Variants in DNM1L observed in about 807,000 individuals in gnomAD.
The protein encoded by DNM1L is dynamin-1-like protein.
In DNM1L, 33 loss-of-function variants were observed where a neutral mutation model predicts 92.8. That is an observed-to-expected ratio of 0.36 (90% CI 0.27 to 0.48). The LOEUF is 0.48. Ranked by LOEUF, DNM1L falls within the 20% of genes least tolerant of loss-of-function variation. The pLI, the probability that DNM1L is intolerant of heterozygous loss-of-function variation, is 0.99. For synonymous variants in DNM1L, 284 were observed against 305.0 expected (o/e 0.93, Z 0.72); for missense variants, 485 against 888.8 (o/e 0.55, Z 5.78).
At chr12:32,727,440 G>T in intron 9 of DNM1L, 1 of 701,024 alleles carries the variant, frequency 1.4e-6, no homozygotes, top group South Asian at 1.5e-5. Flanking sequence ...TGCAGGCAGT[G>T]ACTCAGGGCA....
intron 1 of DNM1L, among the ~76,000 whole-genome samples, chr12:32,685,323 GA>G (rs1592560453): frequency 6.7e-6 from 1 of 148,546 alleles, no homozygotes; most frequent in African/African-American, 2.5e-5. Context: ...TTAACTTTCT[GA>G]AAAACTACCA....
At chr12:32,742,830 A>C (rs886723312) in intron 19 of DNM1L, 82 bp downstream of exon 19, 8 of 1,391,206 alleles carry the variant, frequency 5.8e-6, no homozygotes, top group East Asian at 2.9e-5. Context: ...TGATTCTTGG[A>C]TATGTATAGT....
At chr12:32,723,574 A>G (rs10082887) in intron 9 of DNM1L, among the ~76,000 whole-genome samples, 23,290 of 151,502 alleles carry the variant, frequency 0.15, 1,890 homozygotes, top group Middle Eastern at 0.21. Context: ...GGCAGCTGTA[A>G]TCCCAGCTAC....
In DNM1L at chr12:32,740,093, T is replaced by C. The variant is rs1256741791; in HGVS notation, c.1737T>C (p.Asp579=). The C allele has an allele frequency of 6.2e-6, 10 of 1,614,186 alleles. No individual in the cohort carries two copies. The highest frequency in any genetic ancestry group is 8.5e-6 in the Non-Finnish European group (10 of 1,180,020). Residue 579 remains aspartate (D), a synonymous_variant, in exon 17 of 20, where the codon GAT becomes GAC. Coordinates refer to ENST00000549701, the MANE Select transcript of DNM1L (RefSeq NM_012062.5). ...CATCTGGAGGTGGTGGGGTTGGAGATGGTGTTCAAGAACCAACCACAGGCA... is the reference window on the plus strand; with the variant it reads ...CATCTGGAGGTGGTGGGGTTGGAGACGGTGTTCAAGAACCAACCACAGGCA... ...NVASGGGGVG[D]GVQEPTTGNW...
Position 32,740,091 on chromosome 12 carries a change from G to A in DNM1L, c.1735G>A (p.Asp579Asn). The change falls in exon 17 of 20, where the codon GAT becomes AAT. Residue 579 changes from aspartate to asparagine, a missense_variant. This residue lies in a region of DNM1L where 133 missense variants were observed against 210.9 expected (regional missense o/e 0.63). Transcript: ENST00000549701. ...NVASGGGGVG[D>N]GVQEPTTGNW... Reference sequence around the variant, plus strand: ...TGCATCTGGAGGTGGTGGGGTTGGAGATGGTGTTCAAGAACCAACCACAGG... The same window carrying A: ...TGCATCTGGAGGTGGTGGGGTTGGAAATGGTGTTCAAGAACCAACCACAGG... The A allele has an allele frequency of 6.2e-7, 1 of 1,614,190 alleles. No individual in the cohort carries two copies.
intron 1 of DNM1L, among the ~76,000 whole-genome samples, chr12:32,681,761 G>C (rs1405159606): frequency 6.6e-6 from 1 of 152,040 alleles, no homozygotes; most frequent in East Asian, 1.9e-4. Context: ...TAATTGTAGT[G>C]AGTGAGTTCC....
chr12:32,713,038 A>T (rs577012054), intron 5 of DNM1L, among the ~76,000 whole-genome samples, 171 bp from the exon 6 acceptor site: 220 of 152,316 alleles, frequency 1.4e-3, no homozygotes, highest in African/African-American at 5.0e-3. Flanking sequence ...ACACTTTGAG[A>T]CTTGACACAT....
At chr12:32,738,200 T>C in intron 15 of DNM1L, 64 bp from the exon 16 acceptor site, 2 of 1,585,360 alleles carry the variant, frequency 1.3e-6, no homozygotes, top group South Asian at 2.2e-5. Context: ...ACTTTTTGAA[T>C]TTCAACCCAT....
rs1955183586 is a variant in DNM1L, at chr12:32,740,092, A to G, written c.1736A>G (p.Asp579Gly). ...GCATCTGGAGGTGGTGGGGTTGGAG[A>G]TGGTGTTCAAGAACCAACCACAGGC... Reference protein sequence around the residue: ...NVASGGGGVGDGVQEPTTGNW... With the variant: ...NVASGGGGVGGGVQEPTTGNW... The change falls in exon 17 of 20, where the codon GAT (aspartate) becomes GGT (glycine). Residue 579 changes from aspartate (D) to glycine (G), a missense_variant. Coordinates refer to ENST00000549701, the MANE Select transcript of DNM1L (RefSeq NM_012062.5). 42 of 1,614,042 alleles carry G rather than the reference A, an allele frequency of 2.6e-5. No individual in the cohort carries two copies. The highest frequency in any genetic ancestry group is 3.6e-5 in the Non-Finnish European group (42 of 1,180,018).
At chr12:32,717,120 T>TTA (rs202143134) in intron 6 of DNM1L, among the ~76,000 whole-genome samples, 1 of 126,018 alleles carries the variant, frequency 7.9e-6, no homozygotes, top group Non-Finnish European at 1.6e-5. Flanking sequence ...TATATATATT[T>TTA]TATATATATA....
At chr12:32,737,461 AT>A in intron 14 of DNM1L, 1 of 404,794 alleles carries the variant, frequency 2.5e-6, no homozygotes, top group South Asian at 2.9e-5. Flanking sequence ...CATAGCTGAA[AT>A]GACTCAAGAT....
chr12:32,706,909 T>C (rs1952949362), intron 2 of DNM1L: 2 of 285,332 alleles, frequency 7.0e-6, no homozygotes, highest in African/African-American at 4.5e-5. Context: ...TATGTGTACA[T>C]CTGTTACATA....
intron 1 of DNM1L, among the ~76,000 whole-genome samples, chr12:32,695,419 C>T (rs11052184): frequency 0.14 from 21,862 of 152,038 alleles, 1,609 homozygotes; most frequent in Middle Eastern, 0.21. Context: ...TAAGACATTT[C>T]AAAAATTAAT....
Position 32,711,015 on chromosome 12 carries a change from G to T in DNM1L, c.456G>T (p.Lys152Asn). Reference sequence around the variant, plus strand: ...TTGTGGATTTGCCAGGAATGACCAAGGTAAGGAAGGAATAGTTGTAGATTT... The same window carrying T: ...TTGTGGATTTGCCAGGAATGACCAATGTAAGGAAGGAATAGTTGTAGATTT... Reference protein sequence around the residue: ...LTLVDLPGMTKVPVGDQPKDI... With the variant: ...LTLVDLPGMTNVPVGDQPKDI... Residue 152 changes from lysine to asparagine, a missense_variant and splice_region_variant, in exon 5 of 20, where the codon AAG becomes AAT. Lys to Asn is a moderately conservative substitution (Grantham distance 94). Coordinates refer to ENST00000549701, the MANE Select transcript of DNM1L (RefSeq NM_012062.5). 6.2e-7 allele frequency: 1 copy of T among 1,613,398 alleles called. No individual in the cohort carries two copies. The highest frequency in any genetic ancestry group is 8.5e-7 in the Non-Finnish European group (1 of 1,179,454).
rs1381541976 is a variant in DNM1L at position 32,713,281 on chromosome 12, C to T, written c.529C>T (p.Pro177Ser). 3 of 1,613,756 alleles carry T rather than the reference C, an allele frequency of 1.9e-6. No individual in the cohort carries two copies. The highest frequency in any genetic ancestry group is 2.5e-6 in the Non-Finnish European group (3 of 1,179,944). Residue 177 changes from proline (P) to serine (S), a missense_variant, in exon 6 of 20, where the codon CCT becomes TCT. Physicochemically the swap from Pro to Ser is moderately conservative, Grantham distance 74 (BLOSUM62 -1). Transcript: ENST00000549701. Reference protein sequence around the residue: ...RELILRFISNPNSIILAVTAA... With the variant: ...RELILRFISNSNSIILAVTAA... ...GCTCATTCTTCGGTTCATCAGTAAT[C>T]CTAATTCCATTATCCTCGCTGTCAC...
chr12:32,691,523 A>G (rs1315914953), intron 1 of DNM1L, among the ~76,000 whole-genome samples: 2 of 152,144 alleles, frequency 1.3e-5, no homozygotes, highest in Non-Finnish European at 2.9e-5. Context: ...GATTACAGGT[A>G]TGAGCCACCG....
Position 32,745,193 on chromosome 12 carries a change from A to T in DNM1L, c.*1783A>T. Reference sequence around the variant, plus strand: ...GTTACCACACTTAAAAATCACTGCCATCATTAAGCATCAGTTTCAAAATTA... The same window carrying T: ...GTTACCACACTTAAAAATCACTGCCTTCATTAAGCATCAGTTTCAAAATTA... On this transcript the variant is annotated 3_prime_UTR_variant, in exon 20 of 20. Coordinates refer to ENST00000549701, the MANE Select transcript of DNM1L (RefSeq NM_012062.5). 1 of 239,134 alleles carries T rather than the reference A, an allele frequency of 4.2e-6. No homozygotes were observed. The highest frequency in any genetic ancestry group is 8.3e-6 in the Non-Finnish European group (1 of 120,896). 14.8% of individuals were successfully genotyped at this position (239,134 alleles called of 1,614,324 possible).
At chr12:32,724,585 AAAAAAAAAATAT>A (rs1216248355) in intron 9 of DNM1L, among the ~76,000 whole-genome samples, 3 of 68,820 alleles carry the variant, frequency 4.4e-5, no homozygotes, top group East Asian at 4.9e-4. Context: ...CCAAAAAAAA[AAAAAAAAAATAT>A]ATATATATAT....
chr12:32,737,402 GCA>G, intron 14 of DNM1L: 1 of 488,256 alleles, frequency 2.0e-6, no homozygotes, highest in Non-Finnish European at 3.6e-6. Context: ...AAGCATTTAA[GCA>G]TCAAGCTTTT....
Sources: allele counts gnomAD v4.1 joint callset (sites outside exome capture counted in the v4.1 genomes callset), GRCh38; gene constraint gnomAD v4.1.1; regional missense constraint gnomAD v4.1.1; transcripts MANE v1.5; gene names NCBI Gene and HGNC (gene_info 2026-07-23, HGNC 2026-07-21).